Variants in RUSF1 observed in about 807,000 individuals in gnomAD.
The protein encoded by RUSF1 is RUS1 family protein C16orf58.
A neutral mutation model predicts 63.0 loss-of-function variants in RUSF1; 58 were observed. That is an observed-to-expected ratio of 0.92 (90% CI 0.75 to 1.15). The LOEUF (loss-of-function observed/expected upper bound fraction) is 1.15. Among genes scored for constraint, RUSF1 ranks in the 50% most tolerant of loss-of-function variants. The pLI is 0.00. For synonymous variants in RUSF1, 274 were observed against 255.8 expected, an observed-to-expected ratio of 1.07 and a Z score of -0.68; for missense variants, 652 against 611.0, an observed-to-expected ratio of 1.07 and a Z score of -0.71.
rs2082554158 is a variant in RUSF1, at chr16:31,490,410, G to A, written c.*425C>T. The stretch of plus-strand genomic sequence containing the variant: ...CAGTCCTCCGCCCCTTACCCAGGAG[G>A]AGGCAGCGGCAGCAGCCAGGCGGCT... On this transcript the variant is annotated 3_prime_UTR_variant, in exon 13 of 13. Coordinates refer to ENST00000327237, the MANE Select transcript of RUSF1 (RefSeq NM_022744.4). The A allele has an allele frequency of 6.2e-7, 1 of 1,613,788 alleles. No individual in the cohort carries two copies. The highest frequency in any genetic ancestry group is 8.5e-7 in the Non-Finnish European group (1 of 1,179,932).
At chr16:31,495,409 A>T (rs1477252511) in intron 6 of RUSF1, among the ~76,000 whole-genome samples, 3 of 152,208 alleles carry the variant, frequency 2.0e-5, no homozygotes, top group Admixed American at 2.0e-4. Flanking sequence ...GGGAAGAGTC[A>T]TTTCCAGTGG....
chr16:31,493,027 C>T lies in RUSF1; in HGVS notation c.1038G>A (p.Leu346=). The stretch of plus-strand genomic sequence containing the variant: ...GGTAGGATTCTTGGTGCCCCTCAAC[C>T]AGCTGCTGCAGCTCAAAGACACTGT... The part of the protein sequence containing the change: ...LVSSVFELQQ[L]VEGHQESYLL... The change falls in exon 10 of 13, where the codon CTG becomes CTA. Residue 346 remains leucine (L), a synonymous_variant. Transcript: ENST00000327237. 2 of 1,613,908 alleles carry T rather than the reference C, an allele frequency of 1.2e-6. No individual in the cohort carries two copies. Among genetic ancestry groups the T allele is most frequent in the Non-Finnish European group, 1.7e-6 (2 of 1,179,916 alleles).
At chr16:31,501,026 C>T (rs1447093721) in intron 2 of RUSF1, among the ~76,000 whole-genome samples, 1 of 152,206 alleles carries the variant, frequency 6.6e-6, no homozygotes, top group African/African-American at 2.4e-5. Flanking sequence ...TACATAAATT[C>T]TAGTATATTC....
Position 31,490,673 on chromosome 16 carries a change from G to T in RUSF1, c.*162C>A. The T allele has an allele frequency of 1.9e-6, 2 of 1,073,604 alleles. No homozygotes were observed. Among genetic ancestry groups the T allele is most frequent in the East Asian group, 5.0e-5 (2 of 39,860 alleles). The allele number at this position is 1,073,604 out of a possible 1,614,324, so 66.5% of individuals were successfully genotyped here. ...CCCTTCTCCCGGCCTTCCTCTGCCTGGGGCCCACTGCATCTGATTGGCAGT... is the reference window on the plus strand; with the variant it reads ...CCCTTCTCCCGGCCTTCCTCTGCCTTGGGCCCACTGCATCTGATTGGCAGT... On this transcript the variant is annotated 3_prime_UTR_variant, in exon 13 of 13. Transcript: ENST00000327237.
At position 31,496,892 on chromosome 16, in the gene RUSF1, C is replaced by T. The variant is rs368993746; in HGVS notation, c.659G>A (p.Arg220Gln). 35 of 1,609,694 alleles carry T rather than the reference C, an allele frequency of 2.2e-5. No individual in the cohort carries two copies. Among genetic ancestry groups the T allele is most frequent in the Admixed American group, 5.0e-5 (3 of 59,512 alleles). ...TRAALTVHQA[R>Q]RNNMADVSAK... is the part of the protein sequence containing the mutation. ...TGACACGTCAGCCATGTTGTTCCTC[C>T]GAGCCTGGTGCACGGTCAGGGCAGC... The change falls in exon 6 of 13, where the codon CGG (arginine) becomes CAG (glutamine). Residue 220 changes from arginine (R) to glutamine (Q), a missense_variant. Transcript: ENST00000327237.
chr16:31,491,896 G>A, intron 12 of RUSF1, 113 bp downstream of exon 12: 1 of 1,155,254 alleles, frequency 8.7e-7, no homozygotes, highest in Non-Finnish European at 1.2e-6. Flanking sequence ...TCTGCACCAG[G>A]CCCAAGAACC....
At position 31,508,243 on chromosome 16, in the gene RUSF1, AG is replaced by A; in HGVS notation, c.130del (p.Leu44SerfsTer67). On this transcript the variant is annotated frameshift_variant, in exon 1 of 13. Coordinates refer to ENST00000327237, the MANE Select transcript of RUSF1 (RefSeq NM_022744.4). LOFTEE classifies it high-confidence loss of function. ...WEVGGWRWWG[L>X]SRAFTVKPEG... ...AGGTTTGACCGTGAAGGCCCTGGAGAGCCCCCACCAGCGCCAGCCCCCGACC... is the reference window on the plus strand; with the variant it reads ...AGGTTTGACCGTGAAGGCCCTGGAGACCCCCACCAGCGCCAGCCCCCGACC... The A allele has an allele frequency of 6.4e-7, 1 of 1,562,980 alleles. No individual in the cohort carries two copies. The highest frequency in any genetic ancestry group is 8.7e-7 in the Non-Finnish European group (1 of 1,154,112).
chr16:31,500,995 T>C (rs544477790), intron 2 of RUSF1, among the ~76,000 whole-genome samples: 1 of 152,334 alleles, frequency 6.6e-6, no homozygotes, highest in African/African-American at 2.4e-5. Flanking sequence ...CTGGGAATAA[T>C]GCAAATGTTG....
chr16:31,506,740 G>A (rs573480050), intron 2 of RUSF1, among the ~76,000 whole-genome samples: 1 of 152,256 alleles, frequency 6.6e-6, no homozygotes, highest in Admixed American at 6.5e-5. Flanking sequence ...CTGAGATTGT[G>A]CCACTGCACT....
chr16:31,500,732 C>T lies in RUSF1; in HGVS notation c.416-1G>A. 6.2e-7 allele frequency: 1 copy of T among 1,612,330 alleles called. No individual in the cohort carries two copies. The highest frequency in any genetic ancestry group is 2.2e-5 in the East Asian group (1 of 44,878). ...ATGCGGCCCAGCATGCCAGTTGAAT[C>T]TGGGGGAAAGAAGGCACAGGTAAGG... On this transcript the variant is annotated splice_acceptor_variant, in intron 2 of 12. Coordinates refer to ENST00000327237, the MANE Select transcript of RUSF1 (RefSeq NM_022744.4). LOFTEE classifies it high-confidence loss of function.
At chr16:31,492,652 G>A (rs964756331) in intron 10 of RUSF1, among the ~76,000 whole-genome samples, 3 of 152,200 alleles carry the variant, frequency 2.0e-5, no homozygotes, top group Non-Finnish European at 4.4e-5. Context: ...GTTTACCCAA[G>A]AGGCAACCCA....
intron 12 of RUSF1, 32 bp downstream of exon 12, chr16:31,491,977 G>C (rs1433287192): frequency 1.2e-6 from 2 of 1,612,268 alleles, no homozygotes; most frequent in South Asian, 1.1e-5. Flanking sequence ...AAGGCTTCAG[G>C]GGCCAAGCAG....
Position 31,492,360 on chromosome 16 carries a change from G to A in RUSF1, c.1088-20C>T. 1 of 1,524,406 alleles carries A rather than the reference G, an allele frequency of 6.6e-7. No homozygotes were observed. The highest frequency in any genetic ancestry group is 8.8e-7 in the Non-Finnish European group (1 of 1,137,170). 94.4% of individuals were successfully genotyped at this position (1,524,406 alleles called of 1,614,324 possible). A position where few individuals can be genotyped will look rare whatever the true frequency, so the allele number is the denominator to read the frequency against. ...CCTGGTCTGGAGGGACCCAGAGACA[G>A]ACTGGTATCAGGGAAGGGCCACCTC... is the stretch of plus-strand genomic sequence containing the variant. On this transcript the variant is annotated intron_variant, in intron 10 of 12. Coordinates refer to ENST00000327237, the MANE Select transcript of RUSF1 (RefSeq NM_022744.4).
chr16:31,490,420 C>A lies in RUSF1; in HGVS notation c.*415G>T. 6.2e-7 allele frequency: 1 copy of A among 1,613,696 alleles called. No homozygotes were observed. The highest frequency in any genetic ancestry group is 1.7e-5 in the Admixed American group (1 of 59,976). On this transcript the variant is annotated 3_prime_UTR_variant, in exon 13 of 13. Transcript: ENST00000327237. Reference sequence around the variant, plus strand: ...CCCCTTACCCAGGAGGAGGCAGCGGCAGCAGCCAGGCGGCTGGAGGACATC... The same window carrying A: ...CCCCTTACCCAGGAGGAGGCAGCGGAAGCAGCCAGGCGGCTGGAGGACATC...
rs774370876 is a variant in RUSF1 at position 31,499,298 on chromosome 16, C to T, written c.600+4G>A. On this transcript the variant is annotated splice_donor_region_variant and intron_variant, in intron 5 of 12. Transcript: ENST00000327237. ...GGCAGATGGGTGCCCCCACAGGCAG[C>T]TACCTTGGCTAGGTTGCTGGTGGAG... is the stretch of plus-strand genomic sequence containing the variant. 7 of 1,612,234 alleles carry T rather than the reference C, an allele frequency of 4.3e-6. No individual in the cohort carries two copies. The South Asian group carries it at 7.7e-5, about 18-fold the overall frequency.
chr16:31,503,335 C>T (rs1427046456), intron 2 of RUSF1, among the ~76,000 whole-genome samples: 2 of 152,198 alleles, frequency 1.3e-5, no homozygotes, highest in African/African-American at 4.8e-5. Flanking sequence ...TACTTAAACA[C>T]ACTTTTGTCT....
intron 10 of RUSF1, 65 bp downstream of exon 10, chr16:31,492,913 G>A (rs1286249303): frequency 6.6e-7 from 1 of 1,514,146 alleles, no homozygotes; most frequent in Admixed American, 1.8e-5. Flanking sequence ...GGGGCCCTAG[G>A]TTGGAGGAAT....
In RUSF1 at chr16:31,507,835, A is replaced by G; in HGVS notation, c.344T>C (p.Val115Ala). The G allele has an allele frequency of 6.3e-7, 1 of 1,576,814 alleles. No individual in the cohort carries two copies. Among genetic ancestry groups the G allele is most frequent in the Middle Eastern group, 1.7e-4 (1 of 6,026 alleles). ...GTTCCCCACCCCTATGCCCAGCAAG[A>G]CTGCCTGGGTGGCTAGGGAGCCGGA... ...SLSGSLATQA[V>A]LLGIGVGNAK... The change falls in exon 2 of 13, where the codon GTC becomes GCC. Residue 115 changes from valine to alanine, a missense_variant. Val to Ala is a moderately conservative substitution (Grantham distance 64). Transcript: ENST00000327237.
At chr16:31,492,405 T>C in intron 10 of RUSF1, 65 bp from the exon 11 acceptor site, 1 of 1,469,786 alleles carries the variant, frequency 6.8e-7, no homozygotes, top group Non-Finnish European at 9.0e-7. Flanking sequence ...TTCTATCCCA[T>C]CACCCTGCTT....
Sources: gnomAD v4.1 joint callset for allele counts (sites outside exome capture counted in the v4.1 genomes callset) on GRCh38, gnomAD v4.1.1 for gene constraint, MANE v1.5 for transcripts, NCBI Gene and HGNC (gene_info 2026-07-23, HGNC 2026-07-21) for gene names.